ANK2: variants seen among roughly 807,000 people sequenced by gnomAD.
ANK2 encodes the protein ankyrin-2.
In ANK2, 83 loss-of-function variants were observed where a neutral mutation model predicts 360.5. The ratio of observed to expected loss-of-function variants is 0.23; its 90% confidence interval spans 0.19 to 0.28. ANK2 has a LOEUF of 0.28. Ranked by LOEUF, ANK2 falls within the 10% of genes least tolerant of loss-of-function variation. The probability of loss-of-function intolerance (pLI) is 1.00; values close to 1 mark genes in which losing one functional copy is unlikely to be tolerated. For missense variants in ANK2, 4,201 were observed against 4,795.7 expected, an observed-to-expected ratio of 0.88 and a Z score of 3.66; for synonymous variants, 1,740 against 1,759.5, an observed-to-expected ratio of 0.99 and a Z score of 0.28.
At chr4:112,782,480 C>T in the ANK2 span, among the ~76,000 whole-genome samples, 1 of 152,110 alleles carries the variant, frequency 6.6e-6, no homozygotes, top group Non-Finnish European at 1.5e-5. Flanking sequence ...GTGCCAGGCA[C>T]TCTTTAAGTC....
rs150863867 is a variant in ANK2 at position 112,876,305 on chromosome 4, A to G, written c.-39-28150A>G. 1.1e-3 allele frequency among the ~76,000 whole-genome samples: 160 copies of G among 152,268 alleles called. 1 individual carries two copies. The highest frequency in any genetic ancestry group is 1.4e-3 in the Non-Finnish European group (96 of 68,020). On this transcript the variant is annotated intron_variant, in intron 1 of 30. Transcript: ENST00000503271. ...GATTTCTACGTACTTTAAAATGTTAATTTAAATCAATGTAACTTTGCATAT... is the reference window on the plus strand; with the variant it reads ...GATTTCTACGTACTTTAAAATGTTAGTTTAAATCAATGTAACTTTGCATAT...
rs761941047 is a variant in ANK2 at position 113,336,044 on chromosome 4, G to A, written c.3578G>A (p.Arg1193His). The A allele has an allele frequency of 6.2e-6, 10 of 1,613,902 alleles. No homozygotes were observed. Among genetic ancestry groups the A allele is most frequent in the Admixed American group, 3.3e-5 (2 of 60,018 alleles). ...GAGGGGGCACTCACCAAGCGGATCC[G>A]CGTAGGCCTGCAGGTATGCCCATGT... is the stretch of plus-strand genomic sequence containing the variant. ...FPEGALTKRI[R>H]VGLQAQPMHS... The change falls in exon 30 of 46, where the codon CGC becomes CAC. Residue 1193 changes from arginine (R) to histidine (H), a missense_variant. Arg to His is a conservative substitution (Grantham distance 29). This residue lies in a region of ANK2 where 1,268 missense variants were observed against 1,650.8 expected (regional missense o/e 0.77). Coordinates refer to ENST00000357077, the MANE Select transcript of ANK2 (RefSeq NM_001148.6).
At chr4:113,089,894 A>T (rs1370808106) in intron 1 of ANK2, among the ~76,000 whole-genome samples, 2 of 152,226 alleles carry the variant, frequency 1.3e-5, no homozygotes, top group African/African-American at 2.4e-5. Flanking sequence ...TTCATAGGGC[A>T]TATAATTCTT....
At position 113,339,236 on chromosome 4, in the gene ANK2, C is replaced by G; in HGVS notation, c.3807C>G (p.Thr1269=). Residue 1269 remains threonine (T), a synonymous_variant, in exon 32 of 46, where the codon ACC becomes ACG. Coordinates refer to ENST00000357077, the MANE Select transcript of ANK2 (RefSeq NM_001148.6). ...ATCATATTATTTCAGGTGGAACCAC[C>G]CCTGCCCAGTGGGAAGATATTACAG... is the stretch of plus-strand genomic sequence containing the variant. The part of the protein sequence containing the change: ...RLLCSITGGT[T]PAQWEDITGT... 6.2e-7 allele frequency: 1 copy of G among 1,613,176 alleles called. No individual in the cohort carries two copies. The highest frequency in any genetic ancestry group is 8.5e-7 in the Non-Finnish European group (1 of 1,179,426).
In ANK2 at chr4:112,915,672, T is replaced by C. The variant is rs536558113; in HGVS notation, c.21+11158T>C. On this transcript the variant is annotated intron_variant, in intron 2 of 30. Coordinates refer to the ANK2 transcript ENST00000503271. ...TGGAAGGCTGAGGTGGGAGGAGCCC[T>C]TGAGCCTGGGAGGATGAGGCTGCAG... 7.5e-4 allele frequency among the ~76,000 whole-genome samples: 114 copies of C among 151,874 alleles called. 1 individual carries two copies. Among genetic ancestry groups the C allele is most frequent in the Non-Finnish European group, 1.4e-3 (98 of 67,974 alleles).
Position 113,354,036 on chromosome 4 carries a change from T to C in ANK2, c.5418T>C (p.His1806=). 6.2e-7 allele frequency: 1 copy of C among 1,613,908 alleles called. No individual in the cohort carries two copies. The highest frequency in any genetic ancestry group is 8.5e-7 in the Non-Finnish European group (1 of 1,179,962). ...CAAAAAAGACCACCCACAGGCCACA[T>C]CCAGCTGCGTCACCCTCTCTGAAGT... The part of the protein sequence containing the change: ...DVPKKTTHRP[H]PAASPSLKSE... Residue 1806 remains histidine, a synonymous_variant, in exon 38 of 46, where the codon CAT becomes CAC. Transcript: ENST00000357077.
chr4:112,933,409 A>G (rs1015952988), intron 2 of ANK2, among the ~76,000 whole-genome samples: 1 of 152,154 alleles, frequency 6.6e-6, no homozygotes, highest in African/African-American at 2.4e-5. Flanking sequence ...GTAGCTTTGG[A>G]TATATCACCT....
intron 24 of ANK2, among the ~76,000 whole-genome samples, chr4:113,313,301 A>G (rs2081070645): frequency 6.6e-6 from 1 of 152,198 alleles, no homozygotes; most frequent in South Asian, 2.1e-4. Flanking sequence ...TATTTTTTGC[A>G]TGGTCTCCCT....
chr4:112,948,342 C>G (rs1361194912), intron 2 of ANK2, among the ~76,000 whole-genome samples: 3 of 152,014 alleles, frequency 2.0e-5, no homozygotes, highest in Admixed American at 6.6e-5. Flanking sequence ...ACATATCATT[C>G]ATTTGTGAGA....
chr4:113,070,844 C>T (rs777957216), intron 1 of ANK2, among the ~76,000 whole-genome samples: 8 of 151,462 alleles, frequency 5.3e-5, no homozygotes, highest in Non-Finnish European at 8.8e-5. Context: ...CATTAGTATC[C>T]CATTTTGCCT....
chr4:112,814,558 C>A (rs1388772332), upstream of ANK2, among the ~76,000 whole-genome samples: 1 of 152,074 alleles, frequency 6.6e-6, no homozygotes, highest in African/African-American at 2.4e-5. Context: ...GGGGATCCTC[C>A]CACCTCAGCC....
intron 4 of ANK2, among the ~76,000 whole-genome samples, chr4:113,220,864 C>T (rs1273967662): frequency 6.6e-6 from 1 of 152,196 alleles, no homozygotes; most frequent in Non-Finnish European, 1.5e-5. Context: ...AGTCAATCAA[C>T]AGCTATTTAT....
At chr4:112,754,451 T>C in the ANK2 span, among the ~76,000 whole-genome samples, 1 of 151,726 alleles carries the variant, frequency 6.6e-6, no homozygotes, top group Admixed American at 6.6e-5. Flanking sequence ...TAGCAAACTG[T>C]TAGCTTGTGA....
At chr4:112,870,145 C>T (rs2072384122) in intron 1 of ANK2, among the ~76,000 whole-genome samples, 1 of 151,906 alleles carries the variant, frequency 6.6e-6, no homozygotes, top group South Asian at 2.1e-4. Context: ...ACTACAGGTG[C>T]CCGCCACCAC....
intron 2 of ANK2, among the ~76,000 whole-genome samples, chr4:112,969,538 G>T (rs2038670448): frequency 6.6e-6 from 1 of 152,188 alleles, no homozygotes; most frequent in African/African-American, 2.4e-5. Flanking sequence ...TGAAGACTAG[G>T]GAGGAAAAGA....
At chr4:113,190,410 A>G (rs1159432299) in intron 2 of ANK2, among the ~76,000 whole-genome samples, 5 of 151,984 alleles carry the variant, frequency 3.3e-5, no homozygotes, top group African/African-American at 1.2e-4. Context: ...GTGCCTGCCT[A>G]GAATTCACTT....
At position 113,233,109 on chromosome 4, in the gene ANK2, T is replaced by C. The variant is rs1245953674; in HGVS notation, c.483+850T>C. 1.6e-3 allele frequency among the ~76,000 whole-genome samples: 8 copies of C among 5,092 alleles called. 1 individual carries two copies. Among genetic ancestry groups the C allele is most frequent in the African/African-American group, 4.5e-3 (6 of 1,338 alleles). 3.3% of individuals were successfully genotyped at this position (5,092 alleles called of 152,430 possible). A position where few individuals can be genotyped will look rare whatever the true frequency, so the allele number is the denominator to read the frequency against. ...AGTATATGGGCTTGGCTTTTCTGTT[T>C]TTTTTTTTTTTTTTTTTTTTTTTTT... On this transcript the variant is annotated intron_variant, in intron 5 of 45. Coordinates refer to ENST00000357077, the MANE Select transcript of ANK2 (RefSeq NM_001148.6).
intron 2 of ANK2, among the ~76,000 whole-genome samples, chr4:112,968,259 A>T (rs1369183573): frequency 6.6e-6 from 1 of 152,184 alleles, no homozygotes; most frequent in Admixed American, 6.5e-5. Context: ...AGATGCATTG[A>T]TCTTCGCAGC....
chr4:113,121,825 A>G (rs1036738583), intron 1 of ANK2, among the ~76,000 whole-genome samples: 2 of 151,872 alleles, frequency 1.3e-5, no homozygotes, highest in Admixed American at 6.6e-5. Flanking sequence ...CTTGGTGAGA[A>G]CAAGACTTAT....
Sources: gnomAD v4.1 joint callset for allele counts (sites outside exome capture counted in the v4.1 genomes callset) on GRCh38, gnomAD v4.1.1 for gene constraint, gnomAD v4.1.1 regional missense constraint, MANE v1.5 for transcripts, NCBI Gene and HGNC (gene_info 2026-07-23, HGNC 2026-07-21) for gene names.